The following ZSWIM5 variants were observed in gnomAD, a reference collection of about 807,000 sequenced individuals.
ZSWIM5 encodes zinc finger SWIM-type containing 5.
In ZSWIM5, 55 loss-of-function variants were observed where a neutral mutation model predicts 119.6. The observed-to-expected ratio is 0.46, with a 90% CI of 0.37 to 0.58. ZSWIM5 has a LOEUF of 0.58. Among genes scored for constraint, ZSWIM5 ranks in the 20% least tolerant of loss-of-function variants. ZSWIM5 has a pLI of 0.00. For missense variants in ZSWIM5, 1,193 were observed against 1,512.8 expected, an observed-to-expected ratio of 0.79 and a Z score of 3.51; for synonymous variants, 537 against 606.9, an observed-to-expected ratio of 0.88 and a Z score of 1.69.
In ZSWIM5 at chr1:45,080,349, T is replaced by A. The variant is rs370984263; in HGVS notation, c.952+7532A>T. On this transcript the variant is annotated intron_variant, in intron 2 of 13. Coordinates refer to ENST00000359600, the MANE Select transcript of ZSWIM5 (RefSeq NM_020883.2). ...CCTCTTTGGCTAGGGCTGGTTTAAA[T>A]GCTCCCTCTATGGGGAGGTGTCAGC... Among the ~76,000 whole-genome samples the A allele has an allele frequency of 6.6e-5, 10 of 152,178 alleles. No individual in the cohort carries two copies. The East Asian group carries it at 1.9e-3, about 29-fold the overall frequency.
chr1:45,176,537 T>C (rs1645982953), intron 1 of ZSWIM5, among the ~76,000 whole-genome samples: 1 of 152,158 alleles, frequency 6.6e-6, no homozygotes, highest in South Asian at 2.1e-4. Context: ...AGTGTTGGGA[T>C]TACAGGCATG....
rs1645839729 is a variant in ZSWIM5, at chr1:45,157,890, G to A, written c.595+47866C>T. ...GGGAATGTAGTATTATCTCGTTGTG[G>A]TTTTAATTTACATTTCCCTGATGAC... On this transcript the variant is annotated intron_variant, in intron 1 of 13. Coordinates refer to ENST00000359600, the MANE Select transcript of ZSWIM5 (RefSeq NM_020883.2). 3.3e-5 allele frequency among the ~76,000 whole-genome samples: 5 copies of A among 152,092 alleles called. No homozygotes were observed. The South Asian group carries it at 1.0e-3, about 32-fold the overall frequency.
Position 45,147,441 on chromosome 1 carries a change from A to G in ZSWIM5, c.595+58315T>C, listed in dbSNP as rs541430981. ...AAGAGATAGACAGACAGATATGTTT[A>G]TCAACTTGCAGCTTCACTTGTAAAT... On this transcript the variant is annotated intron_variant, in intron 1 of 13. Coordinates refer to ENST00000359600, the MANE Select transcript of ZSWIM5 (RefSeq NM_020883.2). Among the ~76,000 whole-genome samples the G allele has an allele frequency of 1.9e-4, 29 of 152,320 alleles. 1 individual carries two copies. Among genetic ancestry groups the G allele is most frequent in the South Asian group, 8.3e-4 (4 of 4,826 alleles).
At chr1:45,154,003 TG>T (rs1232437497) in intron 1 of ZSWIM5, among the ~76,000 whole-genome samples, 1 of 152,046 alleles carries the variant, frequency 6.6e-6, no homozygotes, top group African/African-American at 2.4e-5. Context: ...TTACAATAGC[TG>T]GGAAAACAAT....
At chr1:45,034,265 G>A (rs752438125) in intron 11 of ZSWIM5, 47 bp downstream of exon 11, 2 of 1,525,836 alleles carry the variant, frequency 1.3e-6, no homozygotes, top group South Asian at 2.6e-5. Flanking sequence ...GCCATGGTTG[G>A]GCAGGCAGAC....
intron 1 of ZSWIM5, among the ~76,000 whole-genome samples, chr1:45,185,281 T>C (rs1316226607): frequency 1.5e-4 from 23 of 148,946 alleles, no homozygotes; most frequent in South Asian, 8.5e-4. Context: ...ATGTTAGACC[T>C]AAAACCATAA....
In ZSWIM5 at chr1:45,051,197, A is replaced by G. The variant is rs756679346; in HGVS notation, c.1309T>C (p.Cys437Arg). 2.3e-5 allele frequency: 37 copies of G among 1,614,234 alleles called. No individual in the cohort carries two copies. Among genetic ancestry groups the G allele is most frequent in the Non-Finnish European group, 3.1e-5 (37 of 1,180,044 alleles). ...NPHCKLEEKS[C>R]WLQQLQKWSD... ...CACTTCTGCAGCTGCTGCAGCCAGC[A>G]GGATTTCTCCTCCAGTTTGCAGTGT... The change falls in exon 5 of 14, where the codon TGC becomes CGC. Residue 437 changes from cysteine (C) to arginine (R), a missense_variant. Around this residue, in one of 2 missense-constraint regions of ZSWIM5, gnomAD observed 961 missense variants for 1,290.0 expected, o/e 0.74. Transcript: ENST00000359600.
intron 2 of ZSWIM5, among the ~76,000 whole-genome samples, chr1:45,076,030 C>G (rs775112314): frequency 3.3e-5 from 5 of 152,018 alleles, no homozygotes; most frequent in Non-Finnish European, 7.4e-5. Context: ...TAACTTCGTG[C>G]CCCTGCTTCT....
At chr1:45,165,632 G>T (rs1645896886) in intron 1 of ZSWIM5, among the ~76,000 whole-genome samples, 1 of 151,960 alleles carries the variant, frequency 6.6e-6, no homozygotes, top group Non-Finnish European at 1.5e-5. Flanking sequence ...TGATAAAGGG[G>T]TTATCACCAC....
intron 1 of ZSWIM5, among the ~76,000 whole-genome samples, chr1:45,158,904 A>G (rs1645846918): frequency 6.6e-6 from 1 of 152,218 alleles, no homozygotes; most frequent in African/African-American, 2.4e-5. Flanking sequence ...AAATAAAGCT[A>G]AATCTAAAAA....
intron 5 of ZSWIM5, among the ~76,000 whole-genome samples, chr1:45,044,747 ATATATATAT>A (rs1421199604): frequency 7.0e-4 from 1 of 1,436 alleles, no homozygotes; most frequent in African/African-American, 1.6e-3. Flanking sequence ...AAAAAAAAAA[ATATATATAT>A]ATATATATAT....
At chr1:45,172,338 C>T (rs2149045631) in intron 1 of ZSWIM5, among the ~76,000 whole-genome samples, 1 of 152,064 alleles carries the variant, frequency 6.6e-6, no homozygotes, top group East Asian at 1.9e-4. Context: ...TGGTAATAAA[C>T]AGCAAATATA....
At chr1:45,153,636 C>A (rs2149038716) in intron 1 of ZSWIM5, among the ~76,000 whole-genome samples, 1 of 152,212 alleles carries the variant, frequency 6.6e-6, no homozygotes. Flanking sequence ...CAGCACTATT[C>A]ACAATAGCAA....
chr1:45,165,026 C>A (rs1645891789), intron 1 of ZSWIM5, among the ~76,000 whole-genome samples: 1 of 152,222 alleles, frequency 6.6e-6, no homozygotes, highest in Middle Eastern at 3.4e-3. Context: ...CTTCTCAGCA[C>A]CACATCACAC....
intron 5 of ZSWIM5, among the ~76,000 whole-genome samples, chr1:45,048,033 G>C (rs1352426061): frequency 4.7e-5 from 6 of 128,224 alleles, no homozygotes; most frequent in African/African-American, 1.7e-4. Flanking sequence ...TATTATGGTT[G>C]TTTCTTTCTT....
intron 1 of ZSWIM5, among the ~76,000 whole-genome samples, chr1:45,163,940 C>T (rs924379589): frequency 6.6e-6 from 1 of 152,132 alleles, no homozygotes; most frequent in Non-Finnish European, 1.5e-5. Flanking sequence ...GCAAGGCAGG[C>T]CAACATTCAA....
intron 11 of ZSWIM5, among the ~76,000 whole-genome samples, chr1:45,029,826 TTATC>T (rs751538240): frequency 6.6e-6 from 1 of 152,224 alleles, no homozygotes; most frequent in Non-Finnish European, 1.5e-5. Context: ...CACATTTTGT[TTATC>T]CATTCATCTG....
intron 11 of ZSWIM5, among the ~76,000 whole-genome samples, chr1:45,026,180 G>T (rs1644919152): frequency 6.6e-6 from 1 of 152,058 alleles, no homozygotes. Context: ...AACTATAGGA[G>T]TGTGCCCACC....
intron 5 of ZSWIM5, among the ~76,000 whole-genome samples, chr1:45,044,295 A>G (rs76734490): frequency 0.089 from 13,527 of 151,980 alleles, 851 homozygotes; most frequent in Admixed American, 0.2. Context: ...CCAATAAGAA[A>G]AAACTGATGA....
Sources: gnomAD v4.1 joint callset for allele counts (sites outside exome capture counted in the v4.1 genomes callset) on GRCh38, gnomAD v4.1.1 for gene constraint, gnomAD v4.1.1 regional missense constraint, MANE v1.5 for transcripts, NCBI Gene and HGNC (gene_info 2026-07-23, HGNC 2026-07-21) for gene names.